The following ABCA8 variants were observed in gnomAD, a reference collection of about 807,000 sequenced individuals.
ABCA8 encodes the protein ABC-type organic anion transporter ABCA8.
Under a neutral mutation model 192.3 loss-of-function variants are expected in ABCA8, and 177 were observed. That is an observed-to-expected ratio of 0.92 (90% CI 0.81 to 1.04). ABCA8 has a LOEUF of 1.04. Among genes scored for constraint, ABCA8 ranks in the 50% least tolerant of loss-of-function variants. ABCA8 has a pLI of 0.00. For missense variants in ABCA8, 1,915 were observed against 1,904.8 expected (o/e 1.01, Z -0.10); for synonymous variants, 642 against 690.2 (o/e 0.93, Z 1.09).
rs181071489 is a variant in ABCA8 at position 68,911,336 on chromosome 17, G to C, written c.2139-3457C>G. Among the ~76,000 whole-genome samples, 9 of 152,118 alleles carry C rather than the reference G, an allele frequency of 5.9e-5. No homozygotes were observed. The highest frequency in any genetic ancestry group is 5.9e-4 in the Admixed American group (9 of 15,292). ...GCAGGCCTGGGGCAGTGGTGACTAG[G>C]GGGAGAGACTCCTTCTCCTTGAGGA... is the stretch of plus-strand genomic sequence containing the variant. On this transcript the variant is annotated intron_variant, in intron 17 of 39. Transcript: ENST00000586539. The surrounding 1 kb of genome is among the most constrained non-coding windows in gnomAD (Gnocchi z 5.7).
chr17:68,887,551 ATG>A (rs1394560725), intron 24 of ABCA8, 45 bp from the exon 25 acceptor site: 1 of 1,503,122 alleles, frequency 6.7e-7, no homozygotes, highest in East Asian at 2.3e-5. Flanking sequence ...GCTTAAGAAT[ATG>A]TGGATTATGC....
At chr17:68,881,782 G>C in intron 31 of ABCA8, 81 bp downstream of exon 31, 1 of 941,950 alleles carries the variant, frequency 1.1e-6, no homozygotes, top group Non-Finnish European at 1.7e-6. Flanking sequence ...CCAAGAGGTG[G>C]TTTCCAGAAT....
At chr17:68,912,071 G>A (rs1401205852) in intron 17 of ABCA8, among the ~76,000 whole-genome samples, 2 of 152,028 alleles carry the variant, frequency 1.3e-5, no homozygotes, top group Non-Finnish European at 2.9e-5. Flanking sequence ...ACATCCACAA[G>A]CATCAAGACT....
rs906090461 is a variant in ABCA8 at position 68,882,058 on chromosome 17, G to A, written c.3829-78C>T. On this transcript the variant is annotated intron_variant, in intron 30 of 39. Transcript: ENST00000586539. ...TGAAACAAAATTCCATCTTCCCATT[G>A]GCTGGACCCTTTGTTGCCCCAGCCA... 1.2e-5 allele frequency: 15 copies of A among 1,256,964 alleles called. No individual in the cohort carries two copies. In the Admixed American group the frequency reaches 1.8e-4, roughly 15 times the overall value. The allele number at this position is 1,256,964 out of a possible 1,614,324, so 77.9% of individuals were successfully genotyped here. A position where few individuals can be genotyped will look rare whatever the true frequency, so the allele number is the denominator to read the frequency against.
intron 23 of ABCA8, 92 bp downstream of exon 23, chr17:68,894,081 C>G (rs190774958): frequency 7.3e-7 from 1 of 1,365,556 alleles, no homozygotes; most frequent in Non-Finnish European, 1.0e-6. Context: ...CAGTGGTTTA[C>G]TCAATAAAAA....
chr17:68,891,328 T>C (rs1164989090), intron 24 of ABCA8, among the ~76,000 whole-genome samples, 161 bp downstream of exon 24: 6 of 152,224 alleles, frequency 3.9e-5, no homozygotes, highest in Admixed American at 2.0e-4. Context: ...TTTATCTATA[T>C]ATTTCAACTT....
chr17:68,881,756 T>C (rs1427736167), intron 31 of ABCA8, 107 bp downstream of exon 31: 1 of 745,750 alleles, frequency 1.3e-6, no homozygotes, highest in Non-Finnish European at 2.3e-6. Flanking sequence ...CATTCTCCTC[T>C]GGGTCTGCAT....
Position 68,868,177 on chromosome 17 carries a change from G to C in ABCA8, c.4774C>G (p.Leu1592Val). The C allele has an allele frequency of 6.2e-7, 1 of 1,612,916 alleles. No homozygotes were observed. Residue 1592 changes from leucine (L) to valine (V), a missense_variant, in exon 40 of 40, where the codon CTG becomes GTG. By Grantham distance (32) the Leu-to-Val change is conservative. Transcript: ENST00000586539. ...LSQSTLEQVF[L>V]ELSKEQELGD... ...AGCTCCTGCTCCTTGGAGAGCTCCA[G>C]GAAAACCTGAAAGGGAGGAAGGAAA...
Position 68,932,487 on chromosome 17 carries a change from C to T in ABCA8, c.598G>A (p.Glu200Lys), listed in dbSNP as rs1567874446. The part of the protein sequence containing the change: ...EITTNHSVME[E>K]LMSVTGKNMK... Reference sequence around the variant, plus strand: ...TTTTTTCCAGTAACTGACATCAGCTCCTCCATCACTGAGTGATTTGTTGTG... The same window carrying T: ...TTTTTTCCAGTAACTGACATCAGCTTCTCCATCACTGAGTGATTTGTTGTG... The change falls in exon 7 of 40, where the codon GAG becomes AAG. Residue 200 changes from glutamate to lysine, a missense_variant. Coordinates refer to ENST00000586539, the MANE Select transcript of ABCA8 (RefSeq NM_001288985.2). 6.2e-7 allele frequency: 1 copy of T among 1,613,492 alleles called. No individual in the cohort carries two copies.
At position 68,932,515 on chromosome 17, in the gene ABCA8, C is replaced by A. The variant is rs1046204559; in HGVS notation, c.571-1G>T. ...CCATCACTGAGTGATTTGTTGTGATCTGAAGAAAGGCATTAATAAGCAAAA... is the reference window on the plus strand; with the variant it reads ...CCATCACTGAGTGATTTGTTGTGATATGAAGAAAGGCATTAATAAGCAAAA... On this transcript the variant is annotated splice_acceptor_variant, in intron 6 of 39. Transcript: ENST00000586539. LOFTEE classifies it high-confidence loss of function. The A allele has an allele frequency of 6.2e-7, 1 of 1,606,388 alleles. No individual in the cohort carries two copies. The highest frequency in any genetic ancestry group is 1.3e-5 in the African/African-American group (1 of 74,864).
chr17:68,928,178 T>G, intron 9 of ABCA8, 115 bp from the exon 10 acceptor site: 1 of 792,742 alleles, frequency 1.3e-6, no homozygotes, highest in Non-Finnish European at 1.8e-6. Context: ...AGAATAGAGT[T>G]ATATAGGGAG....
intron 24 of ABCA8, among the ~76,000 whole-genome samples, chr17:68,889,119 T>A (rs562939266): frequency 2.0e-4 from 30 of 152,322 alleles, no homozygotes; most frequent in African/African-American, 7.2e-4. Context: ...TTGAGATTCC[T>A]GCATGTTCCA....
chr17:68,927,907 A>G lies in ABCA8; in HGVS notation c.1273+9T>C, dbSNP rs1001282509. ...AATGATATATGATTTTAATCATATC[A>G]TTACTCACTTGGCAAAATTTTTTCA... On this transcript the variant is annotated intron_variant, in intron 10 of 39. Coordinates refer to ENST00000586539, the MANE Select transcript of ABCA8 (RefSeq NM_001288985.2). 1.9e-6 allele frequency: 3 copies of G among 1,583,778 alleles called. No homozygotes were observed. Among genetic ancestry groups the G allele is most frequent in the Non-Finnish European group, 1.7e-6 (2 of 1,163,086 alleles).
chr17:68,915,461 A>G lies in ABCA8; in HGVS notation c.2138+1900T>C, dbSNP rs144236824. On this transcript the variant is annotated intron_variant, in intron 17 of 39. Transcript: ENST00000586539. Reference sequence around the variant, plus strand: ...TCTAATAATCCAATTCAAAATGGGCAAAATATCTGAATAGATAGTTCCCAA... The same window carrying G: ...TCTAATAATCCAATTCAAAATGGGCGAAATATCTGAATAGATAGTTCCCAA... 5.3e-3 allele frequency among the ~76,000 whole-genome samples: 805 copies of G among 152,332 alleles called. 6 individuals are homozygous for G. The highest frequency in any genetic ancestry group is 0.018 in the African/African-American group (761 of 41,584).
intron 17 of ABCA8, among the ~76,000 whole-genome samples, chr17:68,910,091 C>A (rs1356200468): frequency 6.6e-6 from 1 of 152,038 alleles, no homozygotes; most frequent in Non-Finnish European, 1.5e-5. Flanking sequence ...CAGATAGAAC[C>A]CTCCAGAAAT....
intron 2 of ABCA8, among the ~76,000 whole-genome samples, chr17:68,947,318 G>T (rs1418530974): frequency 3.3e-5 from 5 of 152,048 alleles, no homozygotes; most frequent in African/African-American, 1.2e-4. Context: ...ACTATAATTT[G>T]TCATAAGGTA....
intron 11 of ABCA8, among the ~76,000 whole-genome samples, chr17:68,923,344 C>T (rs1004339493): frequency 1.3e-5 from 2 of 151,896 alleles, no homozygotes; most frequent in Admixed American, 6.6e-5. Context: ...GGATTACTGA[C>T]GTGTAGCACC....
chr17:68,902,700 T>C lies in ABCA8; in HGVS notation c.2764+13A>G. On this transcript the variant is annotated intron_variant, in intron 21 of 39. Coordinates refer to ENST00000586539, the MANE Select transcript of ABCA8 (RefSeq NM_001288985.2). ...AGTAAATGTATTTGGAAATCAAGTA[T>C]CCACCATTTTACCTGTTTTATTGAT... The C allele has an allele frequency of 1.2e-6, 2 of 1,605,212 alleles. No individual in the cohort carries two copies. The highest frequency in any genetic ancestry group is 1.7e-6 in the Non-Finnish European group (2 of 1,172,474).
chr17:68,934,711 T>C (rs902485091), intron 5 of ABCA8, among the ~76,000 whole-genome samples: 3 of 152,192 alleles, frequency 2.0e-5, no homozygotes, highest in Non-Finnish European at 4.4e-5. Context: ...AGTTATAAGT[T>C]ATGTGCACTT....
Sources: gnomAD v4.1 joint callset for allele counts (sites outside exome capture counted in the v4.1 genomes callset) on GRCh38, gnomAD v4.1.1 for gene constraint, Gnocchi (gnomAD v3.1) non-coding constraint, MANE v1.5 for transcripts, NCBI Gene and HGNC (gene_info 2026-07-23, HGNC 2026-07-21) for gene names.